ULK2: variants seen among roughly 807,000 people sequenced by gnomAD.
ULK2 encodes the protein serine/threonine-protein kinase ULK2.
In ULK2, 76 loss-of-function variants were observed where a neutral mutation model predicts 127.5. The observed-to-expected ratio is 0.60, with a 90% CI of 0.50 to 0.72. The LOEUF is 0.72. ULK2 is among the 30% of genes least tolerant of loss of function. ULK2 has a pLI of 0.00. For missense variants in ULK2, 1,144 were observed against 1,295.9 expected (o/e 0.88, Z 1.80); for synonymous variants, 452 against 461.9 (o/e 0.98, Z 0.28).
Position 19,867,388 on chromosome 17 carries a change from G to C in ULK2, c.30C>G (p.Ser10Arg), listed in dbSNP as rs2042376324. 1 of 1,602,142 alleles carries C rather than the reference G, an allele frequency of 6.2e-7. No homozygotes were observed. The highest frequency in any genetic ancestry group is 1.4e-5 in the African/African-American group (1 of 72,988). MEVVGDFEY[S>R]KRDLVGHGAF... is the part of the protein sequence containing the mutation. ...CCCCGTGTCCCACGAGATCCCTCTT[G>C]CTGTACTCGAAGTCACCCACCACCT... Residue 10 changes from serine to arginine, a missense_variant, in exon 1 of 27, where the codon AGC becomes AGG. This residue lies in a region of ULK2 where 231 missense variants were observed against 325.4 expected (regional missense o/e 0.71). Coordinates refer to ENST00000395544, the MANE Select transcript of ULK2 (RefSeq NM_014683.4).
Position 19,771,473 on chromosome 17 carries a change from C to T in ULK2, c.*4876G>A. On this transcript the variant is annotated 3_prime_UTR_variant, in exon 27 of 27. Coordinates refer to ENST00000395544, the MANE Select transcript of ULK2 (RefSeq NM_014683.4). ...CCAGAGCGTACGTGGTTGGAGAGAG[C>T]CCTGAAGACAGGCCTTGCCCCACAC... is the stretch of plus-strand genomic sequence containing the variant. 6.6e-6 allele frequency: 1 copy of T among 152,328 alleles called. No homozygotes were observed. The highest frequency in any genetic ancestry group is 6.5e-5 in the Admixed American group (1 of 15,310). The allele number at this position is 152,328 out of a possible 1,614,324, so 9.4% of individuals were successfully genotyped here. A position where few individuals can be genotyped will look rare whatever the true frequency, so the allele number is the denominator to read the frequency against.
At chr17:19,786,713 CAA>C (rs71157831) in intron 20 of ULK2, among the ~76,000 whole-genome samples, 115,302 of 127,796 alleles carry the variant, frequency 0.9, 52,052 homozygotes, top group Non-Finnish European at 0.95. Flanking sequence ...GGCTCCGTCT[CAA>C]AAAAAAAAAA....
At chr17:19,831,136 G>A (rs1238530791) in intron 10 of ULK2, among the ~76,000 whole-genome samples, 1 of 151,946 alleles carries the variant, frequency 6.6e-6, no homozygotes, top group Non-Finnish European at 1.5e-5. Flanking sequence ...CATGGCAGAA[G>A]GTGAAGGGGA....
chr17:19,857,727 A>G lies in ULK2; in HGVS notation c.225+7076T>C, dbSNP rs542094214. Reference sequence around the variant, plus strand: ...TCTTTTGAAAAACAAAAACGGTATCACTCTCCTGCTTTTAAAACTCTTCAA... The same window carrying G: ...TCTTTTGAAAAACAAAAACGGTATCGCTCTCCTGCTTTTAAAACTCTTCAA... On this transcript the variant is annotated intron_variant, in intron 3 of 26. Coordinates refer to ENST00000395544, the MANE Select transcript of ULK2 (RefSeq NM_014683.4). 6.6e-5 allele frequency among the ~76,000 whole-genome samples: 10 copies of G among 152,086 alleles called. 1 individual carries two copies. In the South Asian group the frequency reaches 2.1e-3, roughly 32 times the overall value.
chr17:19,805,934 C>T (rs969619181), intron 14 of ULK2, among the ~76,000 whole-genome samples: 21 of 152,180 alleles, frequency 1.4e-4, no homozygotes, highest in South Asian at 4.1e-4. Flanking sequence ...CCTAATGATA[C>T]GCCATTTAGT....
chr17:19,851,720 G>A (rs1235139653), intron 3 of ULK2, among the ~76,000 whole-genome samples: 2 of 152,052 alleles, frequency 1.3e-5, no homozygotes, highest in Non-Finnish European at 2.9e-5. Context: ...AGGAAATAGA[G>A]AGGTATAAGA....
At chr17:19,782,196 T>A (rs935042530) in intron 22 of ULK2, 129 bp from the exon 23 acceptor site, 6 of 1,045,530 alleles carry the variant, frequency 5.7e-6, no homozygotes, top group Non-Finnish European at 6.7e-6. Context: ...AAAAGGAGAT[T>A]GAAATTTTTA....
intron 22 of ULK2, among the ~76,000 whole-genome samples, chr17:19,783,217 C>A (rs943339661): frequency 6.6e-6 from 1 of 151,988 alleles, no homozygotes; most frequent in Admixed American, 6.5e-5. Context: ...CTTTGGGAGG[C>A]AGAGGTGGGC....
intron 20 of ULK2, among the ~76,000 whole-genome samples, chr17:19,794,743 A>C (rs1455263921): frequency 1.3e-5 from 2 of 149,336 alleles, no homozygotes; most frequent in Non-Finnish European, 1.5e-5. Flanking sequence ...AAAAACAAGG[A>C]GATTACAATA....
chr17:19,807,942 T>C, intron 14 of ULK2, among the ~76,000 whole-genome samples: 1 of 151,940 alleles, frequency 6.6e-6, no homozygotes, highest in Non-Finnish European at 1.5e-5. Context: ...CCGTCTCTAC[T>C]AAAAATACAA....
chr17:19,816,903 C>T lies in ULK2; in HGVS notation c.942G>A (p.Gln314=). 7 of 1,605,428 alleles carry T rather than the reference C, an allele frequency of 4.4e-6. No homozygotes were observed. Among genetic ancestry groups the T allele is most frequent in the African/African-American group, 1.3e-5 (1 of 74,492 alleles). The change falls in exon 13 of 27, where the codon CAG becomes CAA. Residue 314 remains glutamine, a synonymous_variant. Coordinates refer to ENST00000395544, the MANE Select transcript of ULK2 (RefSeq NM_014683.4). The part of the protein sequence containing the change: ...FASPPSLPDM[Q]HIQEENLSSP... ...AAGATAAGTTTTCTTCCTGAATATG[C>T]TGCATATCTGGAAGGGACTAAAATT...
chr17:19,812,463 G>A (rs144483524), intron 13 of ULK2, among the ~76,000 whole-genome samples: 2 of 152,116 alleles, frequency 1.3e-5, no homozygotes, highest in South Asian at 4.1e-4. Context: ...CTAACCTACC[G>A]AATATCATGG....
chr17:19,849,723 A>C lies in ULK2; in HGVS notation c.258+19T>G. On this transcript the variant is annotated intron_variant, in intron 4 of 26. Coordinates refer to ENST00000395544, the MANE Select transcript of ULK2 (RefSeq NM_014683.4). ...AAGAAATTTGAAATAAATTAAACAG[A>C]AGTTTGTATACTACCTACCTCCATC... 6.7e-7 allele frequency: 1 copy of C among 1,487,006 alleles called. No homozygotes were observed. Among genetic ancestry groups the C allele is most frequent in the Non-Finnish European group, 9.0e-7 (1 of 1,107,880 alleles). 92.1% of individuals were successfully genotyped at this position (1,487,006 alleles called of 1,614,324 possible). A position where few individuals can be genotyped will look rare whatever the true frequency, so the allele number is the denominator to read the frequency against.
rs2087471863 is a variant in ULK2 at position 19,804,558 on chromosome 17, AT to A, written c.1295+134del. The A allele has an allele frequency of 2.5e-5, 22 of 862,986 alleles. No individual in the cohort carries two copies. The East Asian group carries it at 6.6e-4, about 26-fold the overall frequency. The allele number at this position is 862,986 out of a possible 1,614,324, so 53.5% of individuals were successfully genotyped here. ...AATTCATCAATTATAAAACTTTATT[AT>A]TCAATTTTGTGCGTTCCCATTATAC... On this transcript the variant is annotated intron_variant, in intron 15 of 26. Coordinates refer to ENST00000395544, the MANE Select transcript of ULK2 (RefSeq NM_014683.4).
At chr17:19,817,054 A>C (rs1017464654) in intron 12 of ULK2, 134 bp from the exon 13 acceptor site, 6 of 710,702 alleles carry the variant, frequency 8.4e-6, no homozygotes, top group African/African-American at 3.8e-5. Flanking sequence ...GGTTTCAAAA[A>C]AATCTCTTTG....
intron 12 of ULK2, among the ~76,000 whole-genome samples, chr17:19,820,233 G>T (rs1164571045): frequency 6.6e-6 from 1 of 152,036 alleles, no homozygotes; most frequent in Non-Finnish European, 1.5e-5. Context: ...ATTTTTAGTA[G>T]AAATAGGGTT....
At chr17:19,791,989 G>T (rs1437910444) in intron 20 of ULK2, among the ~76,000 whole-genome samples, 1 of 151,926 alleles carries the variant, frequency 6.6e-6, no homozygotes, top group Admixed American at 6.6e-5. Context: ...ATGACCAGTG[G>T]GTCAATGGAG....
chr17:19,810,229 CAAAAA>C, intron 14 of ULK2, 144 bp downstream of exon 14: 1 of 350,224 alleles, frequency 2.9e-6, no homozygotes, highest in South Asian at 5.1e-5. Context: ...GACTCCATCT[CAAAAA>C]AAAAAAAAAA....
At chr17:19,864,893 T>C (rs2042320525) in intron 2 of ULK2, 49 bp from the exon 3 acceptor site, 4 of 883,348 alleles carry the variant, frequency 4.5e-6, no homozygotes, top group African/African-American at 3.4e-5. Context: ...CTAATGACTT[T>C]ACTATATTTT....
Sources: gnomAD v4.1 joint callset for allele counts (sites outside exome capture counted in the v4.1 genomes callset) on GRCh38, gnomAD v4.1.1 for gene constraint, gnomAD v4.1.1 regional missense constraint, MANE v1.5 for transcripts, NCBI Gene and HGNC (gene_info 2026-07-23, HGNC 2026-07-21) for gene names.